The following EIF3H variants were observed in gnomAD, a reference collection of about 807,000 sequenced individuals.
EIF3H encodes the protein eukaryotic translation initiation factor 3 subunit H, also known as eIF-3-gamma.
EIF3H carries 26 observed loss-of-function variants against 44.2 expected under a neutral mutation model. The ratio of observed to expected loss-of-function variants is 0.59; its 90% confidence interval spans 0.43 to 0.82. The LOEUF (loss-of-function observed/expected upper bound fraction) is 0.82, where lower values mean the gene tolerates loss of function less well. Among genes scored for constraint, EIF3H ranks in the 40% least tolerant of loss-of-function variants. The pLI is 0.00. For missense variants in EIF3H, 359 were observed against 432.8 expected, an observed-to-expected ratio of 0.83 and a Z score of 1.51; for synonymous variants, 166 against 151.9, an observed-to-expected ratio of 1.09 and a Z score of -0.68.
intron 2 of EIF3H, among the ~76,000 whole-genome samples, chr8:116,685,803 T>G (rs1316271546): frequency 6.6e-6 from 1 of 152,174 alleles, no homozygotes; most frequent in Non-Finnish European, 1.5e-5. Context: ...CAGTATAAAT[T>G]GCCTTACATT....
At position 116,648,964 on chromosome 8, in the gene EIF3H, T is replaced by C. The variant is rs747167582; in HGVS notation, c.708-38A>G. 1.9e-6 allele frequency: 3 copies of C among 1,577,898 alleles called. No individual in the cohort carries two copies. In the Admixed American group the frequency reaches 5.3e-5, roughly 28 times the overall value. Reference sequence around the variant, plus strand: ...GTAAATATACTGACAAGTCTTACTTTAAATTATAGCTTTGCTACTGCTCTA... The same window carrying C: ...GTAAATATACTGACAAGTCTTACTTCAAATTATAGCTTTGCTACTGCTCTA... On this transcript the variant is annotated intron_variant, in intron 5 of 7. Coordinates refer to ENST00000521861, the MANE Select transcript of EIF3H (RefSeq NM_003756.3).
intron 2 of EIF3H, among the ~76,000 whole-genome samples, chr8:116,669,826 A>G (rs1472947364): frequency 6.6e-6 from 1 of 152,170 alleles, no homozygotes; most frequent in African/African-American, 2.4e-5. Flanking sequence ...TGGTTTAGTT[A>G]AACCAGAAAA....
chr8:116,653,911 G>T (rs957008836), intron 5 of EIF3H, among the ~76,000 whole-genome samples: 2 of 152,164 alleles, frequency 1.3e-5, no homozygotes, highest in Non-Finnish European at 2.9e-5. Flanking sequence ...ATGTCTATAG[G>T]CTGTGAAAGG....
chr8:116,714,401 ATT>A (rs1192024237), intron 2 of EIF3H, among the ~76,000 whole-genome samples: 3 of 151,958 alleles, frequency 2.0e-5, no homozygotes, highest in Non-Finnish European at 2.9e-5. Context: ...CTGTTTTACA[ATT>A]TTTTTATGTA....
intron 1 of EIF3H, among the ~76,000 whole-genome samples, chr8:116,740,710 G>T (rs1815115118): frequency 6.6e-6 from 1 of 152,036 alleles, no homozygotes; most frequent in African/African-American, 2.4e-5. Flanking sequence ...TTTAGTAAAA[G>T]CTTAAACATG....
chr8:116,653,345 A>C (rs1043964246), intron 5 of EIF3H, among the ~76,000 whole-genome samples: 3 of 138,534 alleles, frequency 2.2e-5, no homozygotes, highest in Non-Finnish European at 4.7e-5. Flanking sequence ...AAAAACAATC[A>C]GAAACACACA....
At chr8:116,728,845 C>T (rs1814899920) in intron 1 of EIF3H, among the ~76,000 whole-genome samples, 1 of 152,140 alleles carries the variant, frequency 6.6e-6, no homozygotes, top group Admixed American at 6.5e-5. Context: ...CAAAATAGCA[C>T]TATTTCATAG....
chr8:116,744,884 A>G (rs562846407), intron 1 of EIF3H, among the ~76,000 whole-genome samples: 1 of 152,236 alleles, frequency 6.6e-6, no homozygotes, highest in Non-Finnish European at 1.5e-5. Context: ...AGAACTTGCA[A>G]AGATTCTTTT....
chr8:116,750,102 C>CTT (rs1420709454), intron 1 of EIF3H, among the ~76,000 whole-genome samples: 2 of 152,402 alleles, frequency 1.3e-5, no homozygotes, highest in East Asian at 3.9e-4. Context: ...TATATAATAT[C>CTT]TTATATAGGT....
At chr8:116,724,584 T>G (rs1814801993) in intron 2 of EIF3H, among the ~76,000 whole-genome samples, 1 of 151,932 alleles carries the variant, frequency 6.6e-6, no homozygotes, top group Non-Finnish European at 1.5e-5. Context: ...CATAACTCCT[T>G]CAACTCAACA....
chr8:116,692,563 C>T (rs745629568), intron 2 of EIF3H, among the ~76,000 whole-genome samples: 28 of 152,192 alleles, frequency 1.8e-4, no homozygotes, highest in African/African-American at 5.8e-4. Context: ...TGCTTTCATA[C>T]GATAAATGAC....
intron 2 of EIF3H, among the ~76,000 whole-genome samples, chr8:116,702,809 G>A (rs1470298887): frequency 6.6e-6 from 1 of 152,144 alleles, no homozygotes; most frequent in Admixed American, 6.5e-5. Context: ...ATCATTTTAG[G>A]GCAGTGGTAC....
Position 116,644,746 on chromosome 8 carries a change from G to C in EIF3H, c.*260C>G, listed in dbSNP as rs1019463121. ...CTGCCTGGTGAAACTTCCGGTCAGGGCTTGTTTTAGCTTTTAGAAATAAAC... is the reference window on the plus strand; with the variant it reads ...CTGCCTGGTGAAACTTCCGGTCAGGCCTTGTTTTAGCTTTTAGAAATAAAC... On this transcript the variant is annotated 3_prime_UTR_variant, in exon 8 of 8. Transcript: ENST00000521861. The C allele has an allele frequency of 1.3e-5, 5 of 389,542 alleles. No individual in the cohort carries two copies. Among genetic ancestry groups the C allele is most frequent in the Non-Finnish European group, 2.3e-5 (5 of 214,362 alleles). The allele number at this position is 389,542 out of a possible 1,614,324, so 24.1% of individuals were successfully genotyped here.
chr8:116,645,093 G>A lies in EIF3H; in HGVS notation c.972C>T (p.Asn324=), dbSNP rs1421851935. Residue 324 remains asparagine, a synonymous_variant, in exon 8 of 8, where the codon AAC becomes AAT. Coordinates refer to ENST00000521861, the MANE Select transcript of EIF3H (RefSeq NM_003756.3). ...ACTCCTTGATGTTCTGGCAGTAAGT[G>A]TTTATCTGGCCTGTGCATTTGAGAA... ...MDSLLIAGQI[N]TYCQNIKEFT... 1 of 1,613,794 alleles carries A rather than the reference G, an allele frequency of 6.2e-7. No individual in the cohort carries two copies.
intron 5 of EIF3H, among the ~76,000 whole-genome samples, chr8:116,652,611 A>G (rs909628613): frequency 3.9e-5 from 6 of 152,188 alleles, no homozygotes; most frequent in Admixed American, 2.0e-4. Flanking sequence ...AAAAGTGTTT[A>G]CGTACGTAGA....
chr8:116,725,327 T>C (rs1290088577), intron 2 of EIF3H, among the ~76,000 whole-genome samples: 3 of 152,194 alleles, frequency 2.0e-5, no homozygotes, highest in Admixed American at 6.5e-5. Flanking sequence ...CTTTGCAAGA[T>C]GAAATAGTTC....
intron 7 of EIF3H, 112 bp downstream of exon 7, chr8:116,646,359 T>C (rs1012350197): frequency 2.7e-6 from 4 of 1,489,222 alleles, no homozygotes; most frequent in Admixed American, 3.6e-5. Flanking sequence ...CCTGCAACTA[T>C]TTCAAACATA....
exon 1 of EIF3H, chr8:116,765,773 G>A (rs1815565465): frequency 6.6e-6 from 1 of 152,184 alleles, no homozygotes. Context: ...AAGATCAAAC[G>A]GCTTGGGTTT....
At chr8:116,658,520 C>A (rs1232632477) in intron 3 of EIF3H, 7 of 277,362 alleles carry the variant, frequency 2.5e-5, no homozygotes, top group African/African-American at 1.6e-4. Context: ...GTTTGTTAGA[C>A]ATCTGGTCTA....
Sources: gnomAD v4.1 joint callset for allele counts (sites outside exome capture counted in the v4.1 genomes callset) on GRCh38, gnomAD v4.1.1 for gene constraint, MANE v1.5 for transcripts, NCBI Gene and HGNC (gene_info 2026-07-23, HGNC 2026-07-21) for gene names.